Variants in SI observed in about 807,000 individuals in gnomAD.
The protein encoded by SI is sucrase-isomaltase, also known as sucrase-isomaltase, intestinal.
Under a neutral mutation model 253.3 loss-of-function variants are expected in SI, and 235 were observed. The ratio of observed to expected loss-of-function variants is 0.93; its 90% CI spans 0.83 to 1.03. SI has a LOEUF of 1.03. SI is among the 50% of genes least tolerant of loss of function. The probability of loss-of-function intolerance (pLI) is 0.00; values close to 1 mark genes in which losing one functional copy is unlikely to be tolerated. For synonymous variants in SI, 819 were observed against 712.0 expected, an observed-to-expected ratio of 1.15 and a Z score of -2.39; for missense variants, 2,442 against 2,211.1, an observed-to-expected ratio of 1.10 and a Z score of -2.09.
chr3:165,087,818 C>T, the SI span, among the ~76,000 whole-genome samples: 3 of 152,054 alleles, frequency 2.0e-5, no homozygotes, highest in African/African-American at 7.2e-5. Flanking sequence ...CCTTTATTTA[C>T]CTTATTCAGT....
At chr3:165,082,878 G>A (rs531929715), upstream of SI, among the ~76,000 whole-genome samples, 3 of 152,078 alleles carry the variant, frequency 2.0e-5, no homozygotes, top group Admixed American at 6.6e-5. Context: ...GAAGTTGGAA[G>A]AGGCTTATTA....
At position 165,042,564 on chromosome 3, in the gene SI, TG is replaced by T. The variant is rs1367578882; in HGVS notation, c.2004+494del. On this transcript the variant is annotated intron_variant, in intron 17 of 47. Transcript: ENST00000264382. ...AACCGTGTTTTAAAAGTGTTAGTTT[TG>T]TTTTTGTCTCTATGCCAGTTCTATT... Among the ~76,000 whole-genome samples, 9 of 152,272 alleles carry T rather than the reference TG, an allele frequency of 5.9e-5. No homozygotes were observed. The East Asian group carries it at 1.4e-3, about 23-fold the overall frequency.
chr3:165,055,090 C>T (rs1050985827), intron 13 of SI, 104 bp downstream of exon 13: 11 of 707,752 alleles, frequency 1.6e-5, no homozygotes, highest in Middle Eastern at 3.9e-4. Flanking sequence ...TTAAATTTTA[C>T]ATTGAATACA....
intron 47 of SI, among the ~76,000 whole-genome samples, chr3:164,982,028 A>T (rs1006218385): frequency 1.1e-4 from 17 of 152,274 alleles, no homozygotes; most frequent in African/African-American, 3.8e-4. Flanking sequence ...ATTGTATCAT[A>T]ATAAGAATAA....
At chr3:165,001,482 T>C (rs1432572986) in intron 37 of SI, among the ~76,000 whole-genome samples, 1 of 151,548 alleles carries the variant, frequency 6.6e-6, no homozygotes. Context: ...TTTTGTAGGC[T>C]AAAATATTTT....
chr3:165,062,249 T>TA (rs1423481701), intron 9 of SI, 122 bp downstream of exon 9: 3 of 641,700 alleles, frequency 4.7e-6, no homozygotes, highest in African/African-American at 1.9e-5. Flanking sequence ...TATGATAAGA[T>TA]TTTCGAAAAC....
rs765778756 is a variant in SI at position 165,009,323 on chromosome 3, C to T, written c.4135G>A (p.Val1379Met). 4 of 1,613,372 alleles carry T rather than the reference C, an allele frequency of 2.5e-6. No homozygotes were observed. The Admixed American group carries it at 5.0e-5, about 20-fold the overall frequency. Residue 1379 changes from valine (V) to methionine (M), a missense_variant, in exon 35 of 48, where the codon GTG becomes ATG. Transcript: ENST00000264382. Reference sequence around the variant, plus strand: ...TTCATCTTTTCATTGTAAAAGTCCACAATTTCTCTGGCCCACCACTCTGCT... The same window carrying T: ...TTCATCTTTTCATTGTAAAAGTCCATAATTTCTCTGGCCCACCACTCTGCT... The part of the protein sequence containing the change: ...STAEWWAREI[V>M]DFYNEKMKFD...
chr3:165,058,376 A>G (rs1440722059), intron 12 of SI, among the ~76,000 whole-genome samples: 1 of 152,072 alleles, frequency 6.6e-6, no homozygotes, highest in African/African-American at 2.4e-5. Flanking sequence ...TATGTCTTAA[A>G]GAACTAGAAA....
chr3:164,995,253 T>C (rs1717956191), intron 40 of SI, among the ~76,000 whole-genome samples: 1 of 151,762 alleles, frequency 6.6e-6, no homozygotes, highest in Admixed American at 6.6e-5. Flanking sequence ...ATAGCTGTTA[T>C]ATGCAGTATT....
chr3:165,059,809 T>C (rs1202957668), intron 10 of SI, 93 bp downstream of exon 10: 1 of 1,249,330 alleles, frequency 8.0e-7, no homozygotes, highest in African/African-American at 1.5e-5. Flanking sequence ...ATATAATGTA[T>C]ATAGTAGATA....
chr3:165,005,241 G>A (rs1452310442), intron 37 of SI, among the ~76,000 whole-genome samples: 1 of 151,488 alleles, frequency 6.6e-6, no homozygotes, highest in Admixed American at 6.6e-5. Context: ...ATGGTTAATG[G>A]GTGCTATATA....
At chr3:164,982,189 T>C in intron 47 of SI, 54 bp downstream of exon 47, 2 of 1,354,154 alleles carry the variant, frequency 1.5e-6, no homozygotes, top group Non-Finnish European at 2.1e-6. Context: ...AAGAAGTCCA[T>C]GTAGATGCTT....
At chr3:165,079,449 G>A (rs532579686), upstream of SI, among the ~76,000 whole-genome samples, 1 of 151,618 alleles carries the variant, frequency 6.6e-6, no homozygotes, top group East Asian at 1.9e-4. Context: ...AACTAAATAT[G>A]AGTCTAAAAA....
intron 15 of SI, 99 bp downstream of exon 15, chr3:165,049,028 C>T (rs9821196): frequency 3.8e-6 from 3 of 784,120 alleles, no homozygotes; most frequent in Non-Finnish European, 6.9e-6. Context: ...TTTCTTTTTT[C>T]AACTTTGCTA....
Position 165,006,936 on chromosome 3 carries a change from T to C in SI, c.4286A>G (p.Asp1429Gly), listed in dbSNP as rs1482082336. Residue 1429 changes from aspartate (D) to glycine (G), a missense_variant, in exon 37 of 48, where the codon GAT (aspartate) becomes GGT (glycine). Asp to Gly is a moderately conservative substitution (Grantham distance 94). Coordinates refer to ENST00000264382, the MANE Select transcript of SI (RefSeq NM_001041.4). ...GCAAATTGTTCTGAAATGTAATCCA[T>C]CAGTTCTTTTTGTGAGTTCTGGAAA... ...PYFPELTKRT[D>G]GLHFRTICME... 4 of 1,610,684 alleles carry C rather than the reference T, an allele frequency of 2.5e-6. No homozygotes were observed. Among genetic ancestry groups the C allele is most frequent in the Non-Finnish European group, 3.4e-6 (4 of 1,177,392 alleles).
At chr3:165,023,263 T>C (rs1019439096) in intron 26 of SI, among the ~76,000 whole-genome samples, 2 of 151,476 alleles carry the variant, frequency 1.3e-5, no homozygotes, top group Non-Finnish European at 3.0e-5. Context: ...ACAGTAGGCA[T>C]CCAATTTTGT....
At chr3:165,081,012 C>A (rs997406539), upstream of SI, among the ~76,000 whole-genome samples, 1 of 151,922 alleles carries the variant, frequency 6.6e-6, no homozygotes, top group Non-Finnish European at 1.5e-5. Flanking sequence ...AACAAACTGG[C>A]CTTTGTTTTA....
At chr3:165,013,720 G>T (rs941357895) in intron 33 of SI, among the ~76,000 whole-genome samples, 3 of 152,064 alleles carry the variant, frequency 2.0e-5, no homozygotes, top group Admixed American at 2.0e-4. Flanking sequence ...ATTTACAAGG[G>T]ATTAGCTGAT....
chr3:164,982,107 G>A lies in SI; in HGVS notation c.5415+136C>T, dbSNP rs1717215508. ...TAGTAATAAGGAAATAAATATGGAG[G>A]CCTAATGAAAAGGAATATATGAAGA... On this transcript the variant is annotated intron_variant, in intron 47 of 47. Coordinates refer to ENST00000264382, the MANE Select transcript of SI (RefSeq NM_001041.4). 4.7e-6 allele frequency: 3 copies of A among 639,842 alleles called. No homozygotes were observed. The East Asian group carries it at 8.3e-5, about 18-fold the overall frequency. The allele number at this position is 639,842 out of a possible 1,614,324, so 39.6% of individuals were successfully genotyped here.
Sources: gnomAD v4.1 joint callset for allele counts (sites outside exome capture counted in the v4.1 genomes callset) on GRCh38, gnomAD v4.1.1 for gene constraint, MANE v1.5 for transcripts, NCBI Gene and HGNC (gene_info 2026-07-23, HGNC 2026-07-21) for gene names.